ALMS1: variants seen among roughly 807,000 people sequenced by gnomAD.
ALMS1 encodes centrosome-associated protein ALMS1.
In ALMS1, 271 loss-of-function variants were observed where a neutral mutation model predicts 352.2. That is an observed-to-expected ratio of 0.77 (90% CI 0.70 to 0.85). ALMS1 has a LOEUF of 0.85. ALMS1 is among the 40% of genes least tolerant of loss of function. The pLI is 0.00. For synonymous variants in ALMS1, 1,865 were observed against 1,761.2 expected, an observed-to-expected ratio of 1.06 and a Z score of -1.48; for missense variants, 5,445 against 4,870.7, an observed-to-expected ratio of 1.12 and a Z score of -3.51.
intron 5 of ALMS1, among the ~76,000 whole-genome samples, chr2:73,425,460 G>C (rs1163972637): frequency 6.6e-6 from 1 of 152,082 alleles, no homozygotes; most frequent in East Asian, 1.9e-4. Context: ...GGAGGCTTCT[G>C]GTTGGATTGT....
intron 5 of ALMS1, among the ~76,000 whole-genome samples, chr2:73,425,967 T>C (rs559846564): frequency 6.6e-6 from 1 of 152,348 alleles, no homozygotes; most frequent in Admixed American, 6.5e-5. Context: ...ACAACCAGGC[T>C]GTTGGTCTTG....
At chr2:73,533,664 G>A (rs982995608) in intron 11 of ALMS1, among the ~76,000 whole-genome samples, 6 of 152,026 alleles carry the variant, frequency 3.9e-5, no homozygotes, top group Non-Finnish European at 7.4e-5. Context: ...AGTTGGACAC[G>A]AGGTCATATT....
chr2:73,548,450 C>T (rs1268670491), intron 12 of ALMS1, among the ~76,000 whole-genome samples: 1 of 152,228 alleles, frequency 6.6e-6, no homozygotes, highest in Non-Finnish European at 1.5e-5. Context: ...GGTTGATTCT[C>T]TTGCTTATTC....
At position 73,489,844 on chromosome 2, in the gene ALMS1, C is replaced by G; in HGVS notation, c.7885C>G (p.Leu2629Val). Reference sequence around the variant, plus strand: ...ATCATGCAGAGCCAAGCATGTCAACCTTTCTGCATCCTTAGACCAGAACAA... The same window carrying G: ...ATCATGCAGAGCCAAGCATGTCAACGTTTCTGCATCCTTAGACCAGAACAA... ...PSSCRAKHVN[L>V]SASLDQNNSH... Residue 2629 changes from leucine to valine, a missense_variant, in exon 10 of 23, where the codon CTT becomes GTT. Transcript: ENST00000613296. 1 of 1,614,202 alleles carries G rather than the reference C, an allele frequency of 6.2e-7. No individual in the cohort carries two copies. Among genetic ancestry groups the G allele is most frequent in the Non-Finnish European group, 8.5e-7 (1 of 1,180,042 alleles).
At chr2:73,527,888 C>T (rs748980727) in intron 11 of ALMS1, among the ~76,000 whole-genome samples, 3 of 151,692 alleles carry the variant, frequency 2.0e-5, no homozygotes, top group Non-Finnish European at 2.9e-5. Context: ...GTGCTTATAC[C>T]TATAAACTTT....
intron 16 of ALMS1, among the ~76,000 whole-genome samples, chr2:73,579,842 T>G (rs890078021): frequency 2.6e-5 from 4 of 152,190 alleles, no homozygotes; most frequent in Admixed American, 6.5e-5. Flanking sequence ...TTATAACATG[T>G]CTCAGTGTGG....
At chr2:73,547,107 A>G (rs902428037) in intron 12 of ALMS1, among the ~76,000 whole-genome samples, 14 of 152,230 alleles carry the variant, frequency 9.2e-5, no homozygotes, top group Admixed American at 9.2e-4. Flanking sequence ...TGTATTATAA[A>G]ATAGACTTCA....
intron 7 of ALMS1, among the ~76,000 whole-genome samples, chr2:73,444,912 T>TAATTATTTAGTTAGTTC (rs1423451119): frequency 6.6e-6 from 1 of 152,084 alleles, no homozygotes; most frequent in African/African-American, 2.4e-5. Flanking sequence ...TATTTAGTTA[T>TAATTATTTAGTTAGTTC]CAATAATTAA....
chr2:73,546,601 A>C (rs1348076660), intron 12 of ALMS1, among the ~76,000 whole-genome samples: 1 of 152,276 alleles, frequency 6.6e-6, no homozygotes, highest in Non-Finnish European at 1.5e-5. Context: ...AAGAGTTCCA[A>C]GATAAACAAG....
At chr2:73,455,855 G>A (rs960770794) in intron 9 of ALMS1, among the ~76,000 whole-genome samples, 1 of 151,494 alleles carries the variant, frequency 6.6e-6, no homozygotes, top group African/African-American at 2.4e-5. Flanking sequence ...TTTTTTTTAA[G>A]AACAGAGAAG....
At chr2:73,438,274 T>C (rs1214306479) in intron 7 of ALMS1, among the ~76,000 whole-genome samples, 1 of 152,230 alleles carries the variant, frequency 6.6e-6, no homozygotes, top group Admixed American at 6.5e-5. Flanking sequence ...TATTTTTTTA[T>C]TGGCAAACCT....
At position 73,450,896 on chromosome 2, in the gene ALMS1, G is replaced by A. The variant is rs373453289; in HGVS notation, c.4369G>A (p.Val1457Ile). 1.9e-6 allele frequency: 3 copies of A among 1,613,850 alleles called. No individual in the cohort carries two copies. The East Asian group carries it at 6.7e-5, about 36-fold the overall frequency. Residue 1457 changes from valine to isoleucine, a missense_variant, in exon 8 of 23, where the codon GTT becomes ATT. Coordinates refer to ENST00000613296, the MANE Select transcript of ALMS1 (RefSeq NM_001378454.1). ...ACCTGAAGAGGCTTTGGAAGTTTCA[G>A]TTGCTCCTGGACCAGTTGACCAGAC... ...HLPEEALEVSVAPGPVDQTIG... is the reference protein window; with the variant it reads ...HLPEEALEVSIAPGPVDQTIG...
At chr2:73,599,645 C>A in intron 17 of ALMS1, 124 bp downstream of exon 17, 1 of 1,198,176 alleles carries the variant, frequency 8.3e-7, no homozygotes. Flanking sequence ...TGCCAATTTT[C>A]ATCTTGTCAG....
chr2:73,515,754 T>C (rs919784427), intron 10 of ALMS1, among the ~76,000 whole-genome samples: 10 of 137,752 alleles, frequency 7.3e-5, no homozygotes, highest in Non-Finnish European at 1.4e-4. Flanking sequence ...ACATTATCAC[T>C]GACTCCACAG....
chr2:73,589,844 CT>C (rs1217528542), intron 16 of ALMS1, among the ~76,000 whole-genome samples: 1 of 152,194 alleles, frequency 6.6e-6, no homozygotes, highest in Non-Finnish European at 1.5e-5. Context: ...CTGAAACTGT[CT>C]TTAGCATATA....
intron 17 of ALMS1, 125 bp downstream of exon 17, chr2:73,599,646 A>G (rs1675630567): frequency 5.9e-6 from 7 of 1,178,030 alleles, no homozygotes; most frequent in Admixed American, 3.8e-5. Flanking sequence ...GCCAATTTTC[A>G]TCTTGTCAGA....
intron 16 of ALMS1, among the ~76,000 whole-genome samples, chr2:73,579,060 A>ATTTTTTTTTTTTT (rs1675113474): frequency 1.3e-5 from 1 of 79,534 alleles, no homozygotes; most frequent in Non-Finnish European, 2.3e-5. Flanking sequence ...TTTCTCCTTT[A>ATTTTTTTTTTTTT]TTCTTTTTTT....
Position 73,449,729 on chromosome 2 carries a change from C to A in ALMS1, c.3202C>A (p.His1068Asn), listed in dbSNP as rs757929301. The A allele has an allele frequency of 3.1e-6, 5 of 1,614,016 alleles. No homozygotes were observed. The East Asian group carries it at 1.1e-4, about 36-fold the overall frequency. Residue 1068 changes from histidine (H) to asparagine (N), a missense_variant, in exon 8 of 23, where the codon CAT (histidine) becomes AAT (asparagine). Coordinates refer to ENST00000613296, the MANE Select transcript of ALMS1 (RefSeq NM_001378454.1). Reference sequence around the variant, plus strand: ...GTACCCACAGGTGTTATCAGACAGTCATCTACCTGAAGAGAGTCTGAAAGT... The same window carrying A: ...GTACCCACAGGTGTTATCAGACAGTAATCTACCTGAAGAGAGTCTGAAAGT... The part of the protein sequence containing the change: ...VLYPQVLSDS[H>N]LPEESLKVSA...
intron 9 of ALMS1, among the ~76,000 whole-genome samples, chr2:73,485,523 TTTTG>T (rs1201916454): frequency 6.6e-6 from 1 of 152,224 alleles, no homozygotes; most frequent in Non-Finnish European, 1.5e-5. Context: ...TACTGCTGCT[TTTTG>T]TTTGTCTGTG....
Sources: gnomAD v4.1 joint callset for allele counts (sites outside exome capture counted in the v4.1 genomes callset) on GRCh38, gnomAD v4.1.1 for gene constraint, MANE v1.5 for transcripts, NCBI Gene and HGNC (gene_info 2026-07-23, HGNC 2026-07-21) for gene names.